PCDHGB4: variants seen among roughly 807,000 people sequenced by gnomAD.
PCDHGB4 encodes protocadherin gamma-B4.
Under a neutral mutation model 60.5 loss-of-function variants are expected in PCDHGB4, and 38 were observed. The ratio of observed to expected loss-of-function variants is 0.63; its 90% CI spans 0.48 to 0.82. The LOEUF (loss-of-function observed/expected upper bound fraction) is 0.82. Ranked by LOEUF, PCDHGB4 falls within the 40% of genes least tolerant of loss-of-function variation. PCDHGB4 has a pLI of 0.00. For missense variants in PCDHGB4, 1,109 were observed against 1,209.6 expected (o/e 0.92, Z 1.23); for synonymous variants, 456 against 509.7 (o/e 0.89, Z 1.42).
In PCDHGB4 at chr5:141,408,707, G is replaced by A. The variant is rs899200128; in HGVS notation, c.2397+18426G>A. On this transcript the variant is annotated intron_variant, in intron 1 of 3. Coordinates refer to ENST00000519479, the MANE Select transcript of PCDHGB4 (RefSeq NM_003736.4). ...TGATATAAACATAAACTCAATTAAAGATTATAAGATAAACTCTAATCCTTA... is the reference window on the plus strand; with the variant it reads ...TGATATAAACATAAACTCAATTAAAAATTATAAGATAAACTCTAATCCTTA... 1.9e-6 allele frequency: 3 copies of A among 1,612,764 alleles called. No homozygotes were observed. In the African/African-American group the frequency reaches 4.0e-5, roughly 22 times the overall value.
Position 141,485,585 on chromosome 5 carries a change from C to G in PCDHGB4, c.2398-9222C>G, listed in dbSNP as rs373987810. The G allele has an allele frequency of 7.4e-6, 12 of 1,612,204 alleles. No individual in the cohort carries two copies. The highest frequency in any genetic ancestry group is 1.0e-5 in the Non-Finnish European group (12 of 1,178,590). On this transcript the variant is annotated intron_variant, in intron 1 of 3. Transcript: ENST00000519479. The surrounding 1 kb of genome is among the most constrained non-coding windows in gnomAD (Gnocchi z 5.7). ...CGCCCCCCGTTTTCCGCGGCAGCAG[C>G]TGGACTTGGAAATTGGGGAGGCAGC...
intron 1 of PCDHGB4, among the ~76,000 whole-genome samples, chr5:141,449,391 G>A (rs1020753910): frequency 1.3e-5 from 2 of 151,876 alleles, no homozygotes; most frequent in Non-Finnish European, 2.9e-5. Context: ...TGGATTACTT[G>A]AGGCCAGGAG....
intron 1 of PCDHGB4, chr5:141,414,391 T>TG (rs1367379916): frequency 6.2e-7 from 1 of 1,613,862 alleles, no homozygotes; most frequent in South Asian, 1.1e-5. Flanking sequence ...TGACAGTTAT[T>TG]ACAGATTGGT....
At chr5:141,468,960 T>TC (rs1562019766) in intron 1 of PCDHGB4, among the ~76,000 whole-genome samples, 1 of 151,348 alleles carries the variant, frequency 6.6e-6, no homozygotes, top group African/African-American at 2.4e-5. Flanking sequence ...TGGTTTTTTT[T>TC]ACCTTAGGCT....
At chr5:141,436,347 CT>C (rs1402378657) in intron 1 of PCDHGB4, among the ~76,000 whole-genome samples, 1 of 152,118 alleles carries the variant, frequency 6.6e-6, no homozygotes, top group African/African-American at 2.4e-5. Context: ...ATATCAGTGA[CT>C]TCAATCAACT....
At chr5:141,415,023 C>G in intron 1 of PCDHGB4, 1 of 1,613,530 alleles carries the variant, frequency 6.2e-7, no homozygotes, top group Non-Finnish European at 8.5e-7. Context: ...TCAAGGCCAG[C>G]GAGCCGGGAC....
intron 1 of PCDHGB4, chr5:141,423,558 G>T: frequency 1.2e-6 from 2 of 1,613,580 alleles, no homozygotes; most frequent in Non-Finnish European, 1.7e-6. Context: ...CCAACTATGG[G>T]GACACGCTCA....
At position 141,447,667 on chromosome 5, in the gene PCDHGB4, G is replaced by A. The variant is rs115529144; in HGVS notation, c.2398-47140G>A. 2.4e-3 allele frequency among the ~76,000 whole-genome samples: 372 copies of A among 152,278 alleles called. 2 individuals are homozygous for A. Among genetic ancestry groups the A allele is most frequent in the African/African-American group, 8.6e-3 (358 of 41,546 alleles). The stretch of plus-strand genomic sequence containing the variant: ...TAGAATTTTCCCCCCCAGGAAGTTA[G>A]AACTGTTCCATATCTTGATAGAGGG... On this transcript the variant is annotated intron_variant, in intron 1 of 3. Transcript: ENST00000519479.
rs368564960 is a variant in PCDHGB4 at position 141,408,437 on chromosome 5, G to T, written c.2397+18156G>T. Reference sequence around the variant, plus strand: ...GGAGAAGCTGCACTTCAGCGTAGACGCGGAGAGCGGGGACTTACTTGTGAA... The same window carrying T: ...GGAGAAGCTGCACTTCAGCGTAGACTCGGAGAGCGGGGACTTACTTGTGAA... On this transcript the variant is annotated intron_variant, in intron 1 of 3. Transcript: ENST00000519479. The T allele has an allele frequency of 1.3e-5, 21 of 1,613,950 alleles. No homozygotes were observed. Among genetic ancestry groups the T allele is most frequent in the Non-Finnish European group, 1.6e-5 (19 of 1,179,918 alleles).
At chr5:141,481,943 G>C (rs1454871018) in intron 1 of PCDHGB4, among the ~76,000 whole-genome samples, 1 of 148,544 alleles carries the variant, frequency 6.7e-6, no homozygotes, top group South Asian at 2.1e-4. Context: ...AAATCAGCCA[G>C]ATGTGGTGGC....
intron 1 of PCDHGB4, chr5:141,413,902 G>A: frequency 1.9e-6 from 3 of 1,613,252 alleles, no homozygotes; most frequent in East Asian, 2.2e-5. Flanking sequence ...AAATGACAAC[G>A]CGCCGGTCTT....
At chr5:141,396,060 G>A (rs1309175410) in intron 1 of PCDHGB4, 1 of 152,318 alleles carries the variant, frequency 6.6e-6, no homozygotes, top group East Asian at 1.9e-4. Flanking sequence ...CCAATTAGCT[G>A]TTTCGGTTGT....
At chr5:141,441,187 AT>A (rs1349788972) in intron 1 of PCDHGB4, 1 of 152,214 alleles carries the variant, frequency 6.6e-6, no homozygotes, top group Non-Finnish European at 1.5e-5. Context: ...TTCCACAATG[AT>A]TCCCAAAGAT....
chr5:141,420,804 G>C (rs1283868316), intron 1 of PCDHGB4, among the ~76,000 whole-genome samples: 1 of 152,188 alleles, frequency 6.6e-6, no homozygotes, highest in Non-Finnish European at 1.5e-5. Context: ...TAAAAATTAA[G>C]CAAGCCCTTT....
intron 1 of PCDHGB4, among the ~76,000 whole-genome samples, chr5:141,452,388 A>G (rs892688242): frequency 3.9e-5 from 6 of 152,210 alleles, no homozygotes; most frequent in Non-Finnish European, 5.9e-5. Flanking sequence ...TAGTATTTAG[A>G]AACTAAGATC....
rs199952854 is a variant in PCDHGB4 at position 141,477,297 on chromosome 5, G to T, written c.2398-17510G>T. 4 of 1,614,176 alleles carry T rather than the reference G, an allele frequency of 2.5e-6. No individual in the cohort carries two copies. Among genetic ancestry groups the T allele is most frequent in the Non-Finnish European group, 3.4e-6 (4 of 1,180,040 alleles). On this transcript the variant is annotated intron_variant, in intron 1 of 3. Coordinates refer to ENST00000519479, the MANE Select transcript of PCDHGB4 (RefSeq NM_003736.4). The surrounding 1 kb of genome is among the most constrained non-coding windows in gnomAD (Gnocchi z 4.9). ...CTGGTGACCTGCGAAGTTCCACCGGGTCTCCCTTTCAGCCTTACTTCTTCC... is the reference window on the plus strand; with the variant it reads ...CTGGTGACCTGCGAAGTTCCACCGGTTCTCCCTTTCAGCCTTACTTCTTCC...
Position 141,511,606 on chromosome 5 carries a change from G to A in PCDHGB4, c.*433G>A, listed in dbSNP as rs1160129762. The stretch of plus-strand genomic sequence containing the variant: ...TGTTGAAGTACCAAGTAACCTACAA[G>A]CCTCCTAGTTCTGAAAAGTTGGAAG... On this transcript the variant is annotated 3_prime_UTR_variant, in exon 4 of 4. Transcript: ENST00000519479. 2 of 248,594 alleles carry A rather than the reference G, an allele frequency of 8.0e-6. No individual in the cohort carries two copies. Among genetic ancestry groups the A allele is most frequent in the Non-Finnish European group, 1.6e-5 (2 of 123,946 alleles). 15.4% of individuals were successfully genotyped at this position (248,594 alleles called of 1,614,324 possible). A position where few individuals can be genotyped will look rare whatever the true frequency, so the allele number is the denominator to read the frequency against.
chr5:141,489,530 G>C lies in PCDHGB4; in HGVS notation c.2398-5277G>C, dbSNP rs751249228. 17 of 1,614,092 alleles carry C rather than the reference G, an allele frequency of 1.1e-5. 1 individual carries two copies. In the South Asian group the frequency reaches 1.9e-4, roughly 18 times the overall value. ...AAGATTGACCGAGAAAGCCTATGTG[G>C]AGCCAGCACCAGCTGCCTGCTGCCA... On this transcript the variant is annotated intron_variant, in intron 1 of 3. Coordinates refer to ENST00000519479, the MANE Select transcript of PCDHGB4 (RefSeq NM_003736.4). The surrounding 1 kb of genome is among the most constrained non-coding windows in gnomAD (Gnocchi z 4.5).
rs749167212 is a variant in PCDHGB4 at position 141,389,148 on chromosome 5, G to A, written c.1264G>A (p.Ala422Thr). ...TCCAGAGTACAATATAACCGTTACG[G>A]CAACAGATCGGGGCAAGCCTCCCCT... ...QNPEYNITVT[A>T]TDRGKPPLSS... Residue 422 changes from alanine (A) to threonine (T), a missense_variant, in exon 1 of 4, where the codon GCA (alanine) becomes ACA (threonine). Ala to Thr is a moderately conservative substitution (Grantham distance 58, BLOSUM62 0). Transcript: ENST00000519479. 6.2e-7 allele frequency: 1 copy of A among 1,613,996 alleles called. No individual in the cohort carries two copies.
Sources: allele counts gnomAD v4.1 joint callset (sites outside exome capture counted in the v4.1 genomes callset), GRCh38; gene constraint gnomAD v4.1.1; non-coding constraint Gnocchi (gnomAD v3.1); transcripts MANE v1.5; gene names NCBI Gene and HGNC (gene_info 2026-07-23, HGNC 2026-07-21).